Variants in ADAMTSL3 observed in about 807,000 individuals in gnomAD.
ADAMTSL3 encodes the protein ADAMTS-like protein 3.
Under a neutral mutation model 201.7 loss-of-function variants are expected in ADAMTSL3, and 128 were observed. The observed-to-expected ratio is 0.63, with a 90% CI of 0.55 to 0.73. ADAMTSL3 has a LOEUF of 0.73. Among genes scored for constraint, ADAMTSL3 ranks in the 30% least tolerant of loss-of-function variants. The pLI is 0.00. For synonymous variants in ADAMTSL3, 738 were observed against 748.4 expected (o/e 0.99, Z 0.23); for missense variants, 1,990 against 2,119.6 (o/e 0.94, Z 1.20).
At chr15:83,843,710 A>G (rs1337186526) in intron 7 of ADAMTSL3, among the ~76,000 whole-genome samples, 2 of 152,186 alleles carry the variant, frequency 1.3e-5, no homozygotes, top group African/African-American at 2.4e-5. Context: ...GAGTCAGGAC[A>G]TGGCAACGAG....
At chr15:83,980,269 A>G (rs1182101253) in intron 20 of ADAMTSL3, among the ~76,000 whole-genome samples, 1 of 152,114 alleles carries the variant, frequency 6.6e-6, no homozygotes, top group Non-Finnish European at 1.5e-5. Context: ...TAATCGAACA[A>G]CTATGGGGTT....
chr15:83,727,871 A>G lies in ADAMTSL3; in HGVS notation c.189+23363A>G, dbSNP rs150482406. The stretch of plus-strand genomic sequence containing the variant: ...TGGATGAAATGTTCTGTAAATATCT[A>G]TTAGGTTCATTTGGTCTATAGTGCA... On this transcript the variant is annotated intron_variant, in intron 3 of 29. Transcript: ENST00000286744. Among the ~76,000 whole-genome samples, 40 of 152,098 alleles carry G rather than the reference A, an allele frequency of 2.6e-4. 1 individual carries two copies. The East Asian group carries it at 7.0e-3, about 27-fold the overall frequency.
At chr15:83,717,344 C>T (rs531848050) in intron 3 of ADAMTSL3, 1 of 152,246 alleles carries the variant, frequency 6.6e-6, no homozygotes, top group Admixed American at 6.5e-5. Flanking sequence ...TACAGTTGCC[C>T]TTTATTAAGC....
chr15:83,942,851 A>T, intron 18 of ADAMTSL3, 52 bp from the exon 19 acceptor site: 1 of 1,606,310 alleles, frequency 6.2e-7, no homozygotes, highest in South Asian at 1.1e-5. Flanking sequence ...CCTGCACTGC[A>T]CTAACATAGA....
intron 3 of ADAMTSL3, among the ~76,000 whole-genome samples, chr15:83,770,331 A>G (rs1367917347): frequency 6.6e-6 from 1 of 152,216 alleles, no homozygotes; most frequent in African/African-American, 2.4e-5. Flanking sequence ...GGGACTAGGG[A>G]AAATTAAACA....
chr15:83,742,273 G>A (rs2141640964), intron 3 of ADAMTSL3, among the ~76,000 whole-genome samples: 1 of 152,192 alleles, frequency 6.6e-6, no homozygotes, highest in South Asian at 2.1e-4. Context: ...GTGATTCTAA[G>A]TTATTCAGAA....
At chr15:83,990,294 G>A (rs530050813) in intron 22 of ADAMTSL3, among the ~76,000 whole-genome samples, 17 of 152,246 alleles carry the variant, frequency 1.1e-4, no homozygotes, top group Middle Eastern at 3.4e-3. Context: ...CTGAACCGTG[G>A]TTACATCCTG....
At chr15:83,927,389 C>G (rs779799419) in intron 17 of ADAMTSL3, among the ~76,000 whole-genome samples, 1 of 152,168 alleles carries the variant, frequency 6.6e-6, no homozygotes, top group Non-Finnish European at 1.5e-5. Flanking sequence ...GCTGGGATTA[C>G]AGACGTGAGC....
chr15:83,874,689 A>G (rs1388900347), intron 9 of ADAMTSL3, among the ~76,000 whole-genome samples: 2 of 138,522 alleles, frequency 1.4e-5, no homozygotes, highest in Non-Finnish European at 3.1e-5. Flanking sequence ...AGGATTGGAT[A>G]GGGGTCCCAG....
chr15:83,802,358 G>A (rs976458835), intron 4 of ADAMTSL3, among the ~76,000 whole-genome samples: 1 of 151,996 alleles, frequency 6.6e-6, no homozygotes, highest in Non-Finnish European at 1.5e-5. Context: ...CCACTTCTAG[G>A]TATTTACCCA....
intron 3 of ADAMTSL3, among the ~76,000 whole-genome samples, chr15:83,771,064 C>G (rs972691217): frequency 2.6e-5 from 4 of 151,926 alleles, no homozygotes; most frequent in Admixed American, 6.6e-5. Context: ...AAGTGAGCCT[C>G]TATGTCAAAA....
At chr15:83,789,667 C>T (rs2063315504) in intron 4 of ADAMTSL3, among the ~76,000 whole-genome samples, 1 of 152,120 alleles carries the variant, frequency 6.6e-6, no homozygotes, top group African/African-American at 2.4e-5. Flanking sequence ...AGGCAGAAAG[C>T]TGGGATCTCA....
At chr15:83,993,706 C>T (rs1219335053) in intron 23 of ADAMTSL3, among the ~76,000 whole-genome samples, 1 of 152,124 alleles carries the variant, frequency 6.6e-6, no homozygotes, top group Non-Finnish European at 1.5e-5. Flanking sequence ...TTGCCTATTT[C>T]TAAAGGTTAA....
intron 7 of ADAMTSL3, among the ~76,000 whole-genome samples, chr15:83,840,490 C>T (rs948172505): frequency 1.3e-5 from 2 of 152,186 alleles, no homozygotes; most frequent in African/African-American, 4.8e-5. Context: ...GTGTCAACAA[C>T]TGGATAGCTC....
chr15:83,930,416 C>G (rs549506355), intron 17 of ADAMTSL3, among the ~76,000 whole-genome samples: 1 of 152,176 alleles, frequency 6.6e-6, no homozygotes, highest in Non-Finnish European at 1.5e-5. Context: ...TTAGTCAGTG[C>G]TCTTCCATTG....
intron 4 of ADAMTSL3, among the ~76,000 whole-genome samples, chr15:83,799,888 T>C (rs1467561358): frequency 6.6e-6 from 1 of 152,222 alleles, no homozygotes; most frequent in African/African-American, 2.4e-5. Flanking sequence ...AAAGGAATTA[T>C]TCCAGAATAA....
chr15:83,710,216 C>T (rs1468799539), intron 3 of ADAMTSL3, among the ~76,000 whole-genome samples: 1 of 152,158 alleles, frequency 6.6e-6, no homozygotes, highest in Admixed American at 6.5e-5. Context: ...CAGGCCATCC[C>T]TTCTCCCTGG....
chr15:83,922,520 T>C (rs1418967236), intron 16 of ADAMTSL3, among the ~76,000 whole-genome samples: 3 of 152,228 alleles, frequency 2.0e-5, no homozygotes, highest in Non-Finnish European at 2.9e-5. Flanking sequence ...AAATGAACAC[T>C]TAAACCTCTA....
rs115345451 is a variant in ADAMTSL3 at position 83,815,345 on chromosome 15, G to A, written c.364-4466G>A. On this transcript the variant is annotated intron_variant, in intron 5 of 29. Coordinates refer to ENST00000286744, the MANE Select transcript of ADAMTSL3 (RefSeq NM_207517.3). ...ATAACACTTGTTCAGTGTGTTTCAT[G>A]CGTATAGAAGCTACATCTCCAATAA... Among the ~76,000 whole-genome samples, 1,380 of 152,320 alleles carry A rather than the reference G, an allele frequency of 9.1e-3. 23 individuals are homozygous for A. The highest frequency in any genetic ancestry group is 0.031 in the African/African-American group (1,298 of 41,570).
Sources: allele counts gnomAD v4.1 joint callset (sites outside exome capture counted in the v4.1 genomes callset), GRCh38; gene constraint gnomAD v4.1.1; transcripts MANE v1.5; gene names NCBI Gene and HGNC (gene_info 2026-07-23, HGNC 2026-07-21).